Variants in DYNC2H1 observed in about 807,000 individuals in gnomAD.
DYNC2H1 encodes the protein dynein cytoplasmic 2 heavy chain 1, also known as cytoplasmic dynein 2 heavy chain 1.
DYNC2H1 carries 410 observed loss-of-function variants against 570.0 expected under a neutral mutation model. That is an observed-to-expected ratio of 0.72 (90% CI 0.66 to 0.78). DYNC2H1 has a LOEUF of 0.78. Among genes scored for constraint, DYNC2H1 ranks in the 30% least tolerant of loss-of-function variants. The pLI, the probability that DYNC2H1 is intolerant of heterozygous loss-of-function variation, is 0.00. For synonymous variants in DYNC2H1, 1,688 were observed against 1,677.6 expected, an observed-to-expected ratio of 1.01 and a Z score of -0.15; for missense variants, 4,865 against 5,046.4, an observed-to-expected ratio of 0.96 and a Z score of 1.09.
At chr11:103,200,296 C>T (rs1351098706) in intron 50 of DYNC2H1, 142 bp downstream of exon 50, 2 of 588,006 alleles carry the variant, frequency 3.4e-6, no homozygotes, top group Non-Finnish European at 5.9e-6. Flanking sequence ...TAAACATGCT[C>T]ATGGCAGGAG....
intron 82 of DYNC2H1, among the ~76,000 whole-genome samples, chr11:103,333,706 A>G (rs1938956006): frequency 6.6e-6 from 1 of 152,190 alleles, no homozygotes; most frequent in African/African-American, 2.4e-5. Context: ...TTTACCAATA[A>G]GTTGTTTCTA....
At chr11:103,419,310 C>T (rs189373965) in intron 84 of DYNC2H1, among the ~76,000 whole-genome samples, 150 of 152,258 alleles carry the variant, frequency 9.9e-4, no homozygotes, top group African/African-American at 3.4e-3. Context: ...TAAGTGGTTC[C>T]GTGATCCCAT....
intron 20 of DYNC2H1, among the ~76,000 whole-genome samples, chr11:103,149,232 G>A (rs1287588001): frequency 6.6e-6 from 1 of 152,014 alleles, no homozygotes; most frequent in East Asian, 1.9e-4. Flanking sequence ...TATAACTTTA[G>A]GATGCAAAAG....
In DYNC2H1 at chr11:103,114,168, G is replaced by A. The variant is rs1189933500; in HGVS notation, c.432G>A (p.Gly144=). ...LQNLLSELEA[G]LGIVLRRSDT... ...ATCTTTTGAGTGAACTAGAAGCTGG[G>A]TTGGGTATAGTTCTACGAAGATCAG... Residue 144 remains glycine (G), a synonymous_variant, in exon 3 of 89, where the codon GGG becomes GGA. Coordinates refer to ENST00000375735, the MANE Select transcript of DYNC2H1 (RefSeq NM_001377.3). 2.5e-6 allele frequency: 4 copies of A among 1,606,922 alleles called. No individual in the cohort carries two copies. Among genetic ancestry groups the A allele is most frequent in the Non-Finnish European group, 3.4e-6 (4 of 1,176,234 alleles).
intron 45 of DYNC2H1, among the ~76,000 whole-genome samples, chr11:103,190,960 C>CTTT (rs10707668): frequency 1.0e-3 from 113 of 110,520 alleles, no homozygotes; most frequent in African/African-American, 3.8e-3. Flanking sequence ...GCTTTTTAGC[C>CTTT]TTTTTTTTTT....
In DYNC2H1 at chr11:103,174,163, A is replaced by G. The variant is rs1165083464; in HGVS notation, c.5667A>G (p.Thr1889=). The stretch of plus-strand genomic sequence containing the variant: ...GACAGCTAAACAAAAGTGGCACTAC[A>G]CAGAATGGTATGATTGATTATTCCA... The part of the protein sequence containing the change: ...LLRQLNKSGT[T]QNANESHIVV... Residue 1889 remains threonine, a synonymous_variant, in exon 36 of 89, where the codon ACA becomes ACG. Transcript: ENST00000375735. 1 of 1,567,978 alleles carries G rather than the reference A, an allele frequency of 6.4e-7. No individual in the cohort carries two copies. The highest frequency in any genetic ancestry group is 8.7e-7 in the Non-Finnish European group (1 of 1,153,710).
chr11:103,357,234 A>AG (rs1249888296), intron 82 of DYNC2H1, among the ~76,000 whole-genome samples: 6 of 152,092 alleles, frequency 3.9e-5, no homozygotes, highest in Admixed American at 3.9e-4. Flanking sequence ...GTATTATTTT[A>AG]GAAAAAAAAG....
At chr11:103,190,082 A>G (rs2135044325) in intron 45 of DYNC2H1, among the ~76,000 whole-genome samples, 1 of 152,262 alleles carries the variant, frequency 6.6e-6, no homozygotes, top group East Asian at 1.9e-4. Flanking sequence ...AATTTTGCAT[A>G]TTTAGAATTG....
At position 103,257,757 on chromosome 11, in the gene DYNC2H1, C is replaced by A. The variant is rs758896931; in HGVS notation, c.10605+6C>A. On this transcript the variant is annotated splice_donor_region_variant and intron_variant, in intron 69 of 88. Coordinates refer to ENST00000375735, the MANE Select transcript of DYNC2H1 (RefSeq NM_001377.3). ...GAGCTCTACAAAACAAACAGGTAAG[C>A]TGTTGGATACCCTGTACCAGAGACT... 3.2e-6 allele frequency: 5 copies of A among 1,576,532 alleles called. No individual in the cohort carries two copies. The highest frequency in any genetic ancestry group is 4.3e-6 in the Non-Finnish European group (5 of 1,160,514).
chr11:103,453,013 C>T (rs954286274), intron 85 of DYNC2H1, among the ~76,000 whole-genome samples: 19 of 151,952 alleles, frequency 1.3e-4, no homozygotes, highest in African/African-American at 4.3e-4. Flanking sequence ...AGTGTTTGTG[C>T]GTGTATAATA....
intron 82 of DYNC2H1, among the ~76,000 whole-genome samples, chr11:103,327,337 G>A (rs1049906348): frequency 2.0e-5 from 3 of 151,578 alleles, no homozygotes; most frequent in Admixed American, 1.3e-4. Context: ...AAATACATAC[G>A]TGTGTGTGTG....
At chr11:103,216,864 G>T (rs1056639653) in intron 55 of DYNC2H1, among the ~76,000 whole-genome samples, 1 of 151,980 alleles carries the variant, frequency 6.6e-6, no homozygotes, top group Non-Finnish European at 1.5e-5. Flanking sequence ...TTTGAAACAG[G>T]TTCAAAACTG....
intron 78 of DYNC2H1, among the ~76,000 whole-genome samples, chr11:103,308,496 A>G (rs907821670): frequency 3.3e-5 from 5 of 152,156 alleles, no homozygotes; most frequent in African/African-American, 1.2e-4. Context: ...TCTGCTTTCA[A>G]TTATTTTGGA....
Position 103,179,095 on chromosome 11 carries a change from T to C in DYNC2H1, c.6209T>C (p.Leu2070Pro). 1 of 1,613,046 alleles carries C rather than the reference T, an allele frequency of 6.2e-7. No homozygotes were observed. The highest frequency in any genetic ancestry group is 8.5e-7 in the Non-Finnish European group (1 of 1,179,256). ...PEWIESLNSV[L>P]DDNRLLTMPS... The stretch of plus-strand genomic sequence containing the variant: ...TGGATAGAATCTCTGAATTCTGTTC[T>C]GGATGATAATCGACTGCTGACTATG... Residue 2070 changes from leucine to proline, a missense_variant, in exon 39 of 89, where the codon CTG (leucine) becomes CCG (proline). Leu to Pro is a moderately conservative substitution (Grantham distance 98). This residue lies in a region of DYNC2H1 where 231 missense variants were observed against 310.3 expected (regional missense o/e 0.74). Transcript: ENST00000375735.
chr11:103,140,011 T>G (rs1264236646), intron 17 of DYNC2H1, among the ~76,000 whole-genome samples: 2 of 152,202 alleles, frequency 1.3e-5, no homozygotes, highest in Admixed American at 6.5e-5. Context: ...GTTTAAAGTC[T>G]GTTTTATCAG....
chr11:103,153,918 A>G (rs1168724397), intron 22 of DYNC2H1, among the ~76,000 whole-genome samples: 1 of 151,988 alleles, frequency 6.6e-6, no homozygotes, highest in East Asian at 1.9e-4. Context: ...TTATAATAAT[A>G]TAAAGTATTA....
chr11:103,469,188 CT>C (rs1216585453), intron 88 of DYNC2H1, among the ~76,000 whole-genome samples: 1 of 152,142 alleles, frequency 6.6e-6, no homozygotes, highest in Non-Finnish European at 1.5e-5. Context: ...AGATGTATGG[CT>C]TTGTATCACA....
intron 76 of DYNC2H1, 81 bp from the exon 77 acceptor site, chr11:103,304,514 T>C: frequency 9.8e-6 from 14 of 1,435,366 alleles, no homozygotes; most frequent in Non-Finnish European, 1.3e-5. Flanking sequence ...TAGGGATTAC[T>C]ATTATTGAAT....
chr11:103,354,181 CA>C (rs71465391), intron 82 of DYNC2H1, among the ~76,000 whole-genome samples: 124 of 117,222 alleles, frequency 1.1e-3, no homozygotes, highest in African/African-American at 1.3e-3. Flanking sequence ...TGTCTCAAAA[CA>C]AAAAAAAAAA....
Sources: allele counts gnomAD v4.1 joint callset (sites outside exome capture counted in the v4.1 genomes callset), GRCh38; gene constraint gnomAD v4.1.1; regional missense constraint gnomAD v4.1.1; transcripts MANE v1.5; gene names NCBI Gene and HGNC (gene_info 2026-07-23, HGNC 2026-07-21).